SATB2: variants seen among roughly 807,000 people sequenced by gnomAD.
SATB2 encodes DNA-binding protein SATB2.
A neutral mutation model predicts 73.4 loss-of-function variants in SATB2; 1 was observed. The ratio of observed to expected loss-of-function variants is 0.01; its 90% CI spans 0.00 to 0.06. The LOEUF (loss-of-function observed/expected upper bound fraction) is 0.06, where lower values mean the gene tolerates loss of function less well. Ranked by LOEUF, SATB2 falls within the 10% of genes least tolerant of loss-of-function variation. The probability of loss-of-function intolerance (pLI) is 1.00; values close to 1 mark genes in which losing one functional copy is unlikely to be tolerated. For synonymous variants in SATB2, 397 were observed against 367.0 expected (o/e 1.08, Z -0.93); for missense variants, 459 against 945.8 (o/e 0.49, Z 6.75).
At chr2:199,466,669 A>G (rs1692599222), upstream of SATB2, among the ~76,000 whole-genome samples, 1 of 152,160 alleles carries the variant, frequency 6.6e-6, no homozygotes, top group African/African-American at 2.4e-5. Flanking sequence ...CATTGGTCCC[A>G]TCCTGGGCTA....
intron 10 of SATB2, among the ~76,000 whole-genome samples, chr2:199,288,939 C>T (rs1296189824): frequency 1.3e-5 from 2 of 152,170 alleles, no homozygotes; most frequent in Non-Finnish European, 2.9e-5. Flanking sequence ...GGTGGCTTAG[C>T]TCTTAAAAGG....
chr2:199,348,567 C>A, intron 7 of SATB2, 134 bp downstream of exon 7: 1 of 750,420 alleles, frequency 1.3e-6, no homozygotes, highest in Non-Finnish European at 2.3e-6. Context: ...GTTTCATTAA[C>A]TAAGGATTAT....
At chr2:199,281,316 G>A (rs1284517648) in intron 10 of SATB2, among the ~76,000 whole-genome samples, 2 of 151,712 alleles carry the variant, frequency 1.3e-5, no homozygotes, top group African/African-American at 4.8e-5. Flanking sequence ...AATCATTAAG[G>A]AGGTGACTGT....
In SATB2 at chr2:199,323,972, A is replaced by G; in HGVS notation, c.1387-14T>C. On this transcript the variant is annotated splice_polypyrimidine_tract_variant and intron_variant, in intron 8 of 10. Transcript: ENST00000417098. ...CGAGGTTTTGGCCTACCAAGAGACC[A>G]TGAAAATAATAATTTAAAAAGTGCT... The G allele has an allele frequency of 6.2e-7, 1 of 1,613,306 alleles. No homozygotes were observed. Among genetic ancestry groups the G allele is most frequent in the African/African-American group, 1.3e-5 (1 of 74,976 alleles).
chr2:199,277,934 T>C (rs534765844), intron 10 of SATB2, among the ~76,000 whole-genome samples: 57 of 152,334 alleles, frequency 3.7e-4, no homozygotes, highest in African/African-American at 1.3e-3. Flanking sequence ...GCATATCTTA[T>C]TCAAGCATAT....
intron 9 of SATB2, among the ~76,000 whole-genome samples, chr2:199,321,146 T>A (rs1336906745): frequency 6.6e-6 from 1 of 152,004 alleles, no homozygotes; most frequent in South Asian, 2.1e-4. Context: ...CACAATACAA[T>A]GGAGTGGGTG....
At chr2:199,370,508 C>T (rs1423806953) in intron 5 of SATB2, among the ~76,000 whole-genome samples, 1 of 152,186 alleles carries the variant, frequency 6.6e-6, no homozygotes, top group Non-Finnish European at 1.5e-5. Context: ...ACAGGATACA[C>T]AGCCATGGCA....
At chr2:199,445,079 C>A (rs948746457) in intron 2 of SATB2, among the ~76,000 whole-genome samples, 8 of 152,162 alleles carry the variant, frequency 5.3e-5, no homozygotes, top group African/African-American at 1.7e-4. Context: ...AATATAAGCT[C>A]TTGGCAGTTA....
intron 3 of SATB2, among the ~76,000 whole-genome samples, chr2:199,425,356 A>T (rs570990694): frequency 2.3e-4 from 35 of 152,358 alleles, no homozygotes; most frequent in African/African-American, 7.5e-4. Context: ...AATATATCAA[A>T]GTTAATTGCT....
chr2:199,409,167 C>CTTTTTTTTTTTTTT (rs67330007), intron 3 of SATB2, among the ~76,000 whole-genome samples: 13 of 115,232 alleles, frequency 1.1e-4, no homozygotes, highest in South Asian at 2.9e-4. Context: ...TTTTTCTTTT[C>CTTTTTTTTTTTTTT]TTTTTTTTTT....
chr2:199,380,089 A>G (rs180832595), intron 5 of SATB2, among the ~76,000 whole-genome samples: 1 of 150,798 alleles, frequency 6.6e-6, no homozygotes, highest in East Asian at 2.0e-4. Flanking sequence ...TCGCCATGTT[A>G]CCCAGGCTGG....
upstream of SATB2, among the ~76,000 whole-genome samples, chr2:199,466,917 T>C (rs1373314884): frequency 4.6e-5 from 7 of 152,288 alleles, no homozygotes; most frequent in Non-Finnish European, 5.9e-5. Flanking sequence ...GTGATTTGTC[T>C]GTTTATAGCA....
At chr2:199,407,760 AG>A (rs1690680102) in intron 3 of SATB2, among the ~76,000 whole-genome samples, 1 of 152,228 alleles carries the variant, frequency 6.6e-6, no homozygotes, top group Admixed American at 6.5e-5. Context: ...AAATCATAAA[AG>A]AACATCTGGA....
intron 3 of SATB2, among the ~76,000 whole-genome samples, chr2:199,417,068 A>T (rs894870959): frequency 6.7e-6 from 1 of 149,930 alleles, no homozygotes; most frequent in African/African-American, 2.4e-5. Context: ...ACACACACAC[A>T]CACTCACAAA....
At chr2:199,410,817 T>C (rs562821929) in intron 3 of SATB2, among the ~76,000 whole-genome samples, 15 of 152,336 alleles carry the variant, frequency 9.8e-5, no homozygotes, top group Non-Finnish European at 2.1e-4. Context: ...CTATTATAAC[T>C]AAGCAGCTAA....
upstream of SATB2, among the ~76,000 whole-genome samples, chr2:199,465,456 C>A (rs753869104): frequency 1.3e-5 from 2 of 152,146 alleles, no homozygotes; most frequent in African/African-American, 4.8e-5. Flanking sequence ...ACTCAATATC[C>A]GTTGTTTTCA....
chr2:199,352,141 T>C (rs11897613), intron 6 of SATB2, among the ~76,000 whole-genome samples: 9 of 152,252 alleles, frequency 5.9e-5, no homozygotes, highest in African/African-American at 1.9e-4. Context: ...CCCAAAGTGC[T>C]GGGATTACAG....
intron 3 of SATB2, among the ~76,000 whole-genome samples, chr2:199,420,915 A>G (rs1189140415): frequency 6.6e-6 from 1 of 152,166 alleles, no homozygotes; most frequent in Non-Finnish European, 1.5e-5. Context: ...TGGTTACATG[A>G]ATATATTTTA....
intron 7 of SATB2, among the ~76,000 whole-genome samples, chr2:199,340,157 C>T (rs1688461914): frequency 1.3e-5 from 2 of 152,166 alleles, no homozygotes. Context: ...TCTCCAGTTG[C>T]TGAGTGACTT....
Sources: gnomAD v4.1 joint callset for allele counts (sites outside exome capture counted in the v4.1 genomes callset) on GRCh38, gnomAD v4.1.1 for gene constraint, MANE v1.5 for transcripts, NCBI Gene and HGNC (gene_info 2026-07-23, HGNC 2026-07-21) for gene names.